ATF7IP: variants seen among roughly 807,000 people sequenced by gnomAD.
The protein encoded by ATF7IP is activating transcription factor 7-interacting protein 1.
A neutral mutation model predicts 106.4 loss-of-function variants in ATF7IP; 23 were observed. The ratio of observed to expected loss-of-function variants is 0.22; its 90% CI spans 0.16 to 0.31. The LOEUF (loss-of-function observed/expected upper bound fraction) is 0.31, where lower values mean the gene tolerates loss of function less well. ATF7IP is among the 10% of genes least tolerant of loss of function. The pLI, the probability that ATF7IP is intolerant of heterozygous loss-of-function variation, is 1.00. For synonymous variants in ATF7IP, 542 were observed against 539.0 expected, an observed-to-expected ratio of 1.01 and a Z score of -0.08; for missense variants, 1,334 against 1,524.3, an observed-to-expected ratio of 0.88 and a Z score of 2.08.
chr12:14,486,421 G>A (rs1944614488), intron 13 of ATF7IP, among the ~76,000 whole-genome samples: 1 of 152,258 alleles, frequency 6.6e-6, no homozygotes, highest in Middle Eastern at 3.4e-3. Flanking sequence ...TAAATTGTCA[G>A]GAATGTAGTG....
intron 4 of ATF7IP, 150 bp from the exon 5 acceptor site, chr12:14,437,980 G>T (rs946408491): frequency 1.4e-5 from 8 of 580,870 alleles, no homozygotes; most frequent in Non-Finnish European, 2.2e-5. Context: ...GTGAACCCGG[G>T]AGGCGGAGCT....
At position 14,424,556 on chromosome 12, in the gene ATF7IP, C is replaced by T. The variant is rs1315984500; in HGVS notation, c.641C>T (p.Pro214Leu). ...PTSSDPIPGE[P>L]VPVEPISGDC... Reference sequence around the variant, plus strand: ...TCTAGTGATCCCATCCCAGGTGAACCGGTCCCTGTTGAACCCATTTCTGGT... The same window carrying T: ...TCTAGTGATCCCATCCCAGGTGAACTGGTCCCTGTTGAACCCATTTCTGGT... The change falls in exon 2 of 15, where the codon CCG becomes CTG. Residue 214 changes from proline (P) to leucine (L), a missense_variant. By Grantham distance (98) the Pro-to-Leu change is moderately conservative. Coordinates refer to ENST00000261168, the MANE Select transcript of ATF7IP (RefSeq NM_018179.5). 9.3e-6 allele frequency: 15 copies of T among 1,613,956 alleles called. No homozygotes were observed. Among genetic ancestry groups the T allele is most frequent in the Admixed American group, 5.0e-5 (3 of 59,986 alleles).
intron 1 of ATF7IP, among the ~76,000 whole-genome samples, chr12:14,401,647 C>G (rs1395153433): frequency 3.5e-5 from 5 of 144,806 alleles, no homozygotes; most frequent in Non-Finnish European, 7.6e-5. Flanking sequence ...AGAGGGCAAA[C>G]ATTTTTCATT....
In ATF7IP at chr12:14,424,182, G is replaced by A. The variant is rs1258566857; in HGVS notation, c.267G>A (p.Lys89=). 1 of 1,614,162 alleles carries A rather than the reference G, an allele frequency of 6.2e-7. No individual in the cohort carries two copies. Among genetic ancestry groups the A allele is most frequent in the East Asian group, 2.2e-5 (1 of 44,888 alleles). ...CTGAAGGAAGTAAAGCAGAATGGAA[G>A]GAAACACCCTGTATCCTAAGTGTTA... is the stretch of plus-strand genomic sequence containing the variant. The part of the protein sequence containing the change: ...FDPEGSKAEW[K]ETPCILSVNV... Residue 89 remains lysine, a synonymous_variant, in exon 2 of 15, where the codon AAG becomes AAA. Transcript: ENST00000261168.
chr12:14,411,128 C>G (rs1268077450), intron 1 of ATF7IP, among the ~76,000 whole-genome samples: 1 of 152,094 alleles, frequency 6.6e-6, no homozygotes, highest in Non-Finnish European at 1.5e-5. Context: ...GTTTTCATTT[C>G]TCTTGGGTAT....
intron 1 of ATF7IP, among the ~76,000 whole-genome samples, chr12:14,381,876 T>TC: frequency 6.6e-6 from 1 of 151,646 alleles, no homozygotes; most frequent in East Asian, 1.9e-4. Context: ...AGTTTTTTTT[T>TC]TTCTTTCTTT....
At chr12:14,435,473 A>T (rs1942362175) in intron 3 of ATF7IP, among the ~76,000 whole-genome samples, 1 of 152,226 alleles carries the variant, frequency 6.6e-6, no homozygotes, top group Non-Finnish European at 1.5e-5. Flanking sequence ...AAGAAGCCAG[A>T]TACAAATTTG....
intron 6 of ATF7IP, among the ~76,000 whole-genome samples, chr12:14,455,633 G>A (rs1030178913): frequency 2.6e-5 from 4 of 152,112 alleles, no homozygotes; most frequent in African/African-American, 9.7e-5. Context: ...CACCCAGGCT[G>A]GAGTGCAGTG....
At chr12:14,431,426 G>A (rs542391782) in intron 2 of ATF7IP, among the ~76,000 whole-genome samples, 9 of 147,800 alleles carry the variant, frequency 6.1e-5, no homozygotes, top group Middle Eastern at 3.5e-3. Context: ...ATGGCGTCTC[G>A]CTCTGTCACC....
At chr12:14,451,659 G>T (rs1355033166) in intron 6 of ATF7IP, among the ~76,000 whole-genome samples, 2 of 149,730 alleles carry the variant, frequency 1.3e-5, no homozygotes, top group Admixed American at 1.3e-4. Flanking sequence ...TCACATATTT[G>T]TGACTTTTCC....
At chr12:14,401,265 G>T (rs1192101208) in intron 1 of ATF7IP, among the ~76,000 whole-genome samples, 2 of 135,704 alleles carry the variant, frequency 1.5e-5, no homozygotes, top group African/African-American at 5.9e-5. Context: ...GTGTGATCTC[G>T]GCTCACTGCA....
chr12:14,471,280 A>G (rs1045758368), intron 10 of ATF7IP, among the ~76,000 whole-genome samples: 2 of 152,204 alleles, frequency 1.3e-5, no homozygotes, highest in African/African-American at 4.8e-5. Flanking sequence ...ATAAATGTCA[A>G]TATAGCATGG....
At chr12:14,422,226 A>G (rs1189524109) in intron 1 of ATF7IP, among the ~76,000 whole-genome samples, 3 of 152,078 alleles carry the variant, frequency 2.0e-5, no homozygotes, top group Non-Finnish European at 4.4e-5. Context: ...ATATAAAACC[A>G]AGAAATATCA....
chr12:14,427,363 T>A (rs1358512542), intron 2 of ATF7IP, among the ~76,000 whole-genome samples: 1 of 151,898 alleles, frequency 6.6e-6, no homozygotes, highest in Non-Finnish European at 1.5e-5. Context: ...ATGAGTCTAA[T>A]TCTTTTTTTT....
intron 1 of ATF7IP, among the ~76,000 whole-genome samples, chr12:14,410,669 A>G (rs1940863263): frequency 6.6e-6 from 1 of 152,160 alleles, no homozygotes; most frequent in African/African-American, 2.4e-5. Context: ...TGTGAAACGA[A>G]CAGTATATTG....
chr12:14,423,160 C>T (rs1941625141), intron 1 of ATF7IP, among the ~76,000 whole-genome samples: 1 of 152,026 alleles, frequency 6.6e-6, no homozygotes, highest in Admixed American at 6.6e-5. Flanking sequence ...TGCTTATGGA[C>T]TTTTGGCTTA....
At chr12:14,456,713 T>C (rs1810249114) in intron 7 of ATF7IP, 79 bp downstream of exon 7, 2 of 1,027,672 alleles carry the variant, frequency 1.9e-6, no homozygotes, top group Non-Finnish European at 3.0e-6. Flanking sequence ...AATCTTGCAG[T>C]GTAATCATGG....
chr12:14,434,159 C>T (rs894230925), intron 2 of ATF7IP, among the ~76,000 whole-genome samples, 178 bp from the exon 3 acceptor site: 6 of 152,090 alleles, frequency 3.9e-5, no homozygotes, highest in Non-Finnish European at 5.9e-5. Flanking sequence ...TGAATGTGGA[C>T]GTGGTCATTC....
In ATF7IP at chr12:14,496,211, A is replaced by T. The variant is rs1565561348; in HGVS notation, c.3281-20A>T. On this transcript the variant is annotated intron_variant, in intron 13 of 14. Coordinates refer to ENST00000261168, the MANE Select transcript of ATF7IP (RefSeq NM_018179.5). ...AATAGAATTATCATTTTATCCTGTA[A>T]TTTTTTTGTTTGTTTGTAGGTGTTA... The T allele has an allele frequency of 1.4e-6, 2 of 1,468,316 alleles. No individual in the cohort carries two copies. The highest frequency in any genetic ancestry group is 9.5e-7 in the Non-Finnish European group (1 of 1,050,732). 91.0% of individuals were successfully genotyped at this position (1,468,316 alleles called of 1,614,324 possible). A position where few individuals can be genotyped will look rare whatever the true frequency, so the allele number is the denominator to read the frequency against.
Sources: allele counts gnomAD v4.1 joint callset (sites outside exome capture counted in the v4.1 genomes callset), GRCh38; gene constraint gnomAD v4.1.1; transcripts MANE v1.5; gene names NCBI Gene and HGNC (gene_info 2026-07-23, HGNC 2026-07-21).